The following FMN1 variants were observed in gnomAD, a reference collection of about 807,000 sequenced individuals.
FMN1 encodes formin-1.
A neutral mutation model predicts 132.4 loss-of-function variants in FMN1; 110 were observed. The ratio of observed to expected loss-of-function variants is 0.83; its 90% CI spans 0.71 to 0.97. FMN1 has a LOEUF of 0.97. Among genes scored for constraint, FMN1 ranks in the 50% least tolerant of loss-of-function variants. The pLI is 0.00. For missense variants in FMN1, 1,792 were observed against 1,705.3 expected, an observed-to-expected ratio of 1.05 and a Z score of -0.90; for synonymous variants, 722 against 651.7, an observed-to-expected ratio of 1.11 and a Z score of -1.64.
chr15:32,974,405 TTATAA>T (rs1160485664), intron 7 of FMN1, among the ~76,000 whole-genome samples: 2 of 152,252 alleles, frequency 1.3e-5, no homozygotes, highest in African/African-American at 2.4e-5. Flanking sequence ...CAATAGTCTG[TTATAA>T]TATATGTCCA....
Position 32,772,477 on chromosome 15 carries a change from T to C in FMN1, c.*1833A>G, listed in dbSNP as rs2056281590. 1 of 152,258 alleles carries C rather than the reference T, an allele frequency of 6.6e-6. No homozygotes were observed. Among genetic ancestry groups the C allele is most frequent in the African/African-American group, 2.4e-5 (1 of 41,466 alleles). The allele number at this position is 152,258 out of a possible 1,614,324, so 9.4% of individuals were successfully genotyped here. A position where few individuals can be genotyped will look rare whatever the true frequency, so the allele number is the denominator to read the frequency against. ...TCAGTTTTTAATTGATCCGTTCTTT[T>C]GGTTGTCTTCAGAGTTAAGTGAAAA... is the stretch of plus-strand genomic sequence containing the variant. On this transcript the variant is annotated 3_prime_UTR_variant, in exon 21 of 21. Transcript: ENST00000616417.
chr15:33,107,123 C>A (rs184237063), intron 4 of FMN1, among the ~76,000 whole-genome samples: 1 of 151,966 alleles, frequency 6.6e-6, no homozygotes, highest in Non-Finnish European at 1.5e-5. Context: ...AAGATTAAAA[C>A]CTGCTTCATC....
intron 4 of FMN1, among the ~76,000 whole-genome samples, chr15:33,101,839 T>TC (rs1463788184): frequency 2.0e-5 from 3 of 152,136 alleles, no homozygotes; most frequent in Admixed American, 2.0e-4. Context: ...TGCTTGGCTT[T>TC]CACATATTCT....
chr15:32,790,351 G>C (rs1318783436), intron 19 of FMN1, among the ~76,000 whole-genome samples: 3 of 152,192 alleles, frequency 2.0e-5, no homozygotes, highest in African/African-American at 7.2e-5. Context: ...TTCTAAACTT[G>C]GCTGAAGGAT....
At chr15:32,890,217 G>A (rs2059993933) in intron 15 of FMN1, among the ~76,000 whole-genome samples, 1 of 152,178 alleles carries the variant, frequency 6.6e-6, no homozygotes, top group Admixed American at 6.6e-5. Flanking sequence ...ATTGTGAACT[G>A]TGCTGCTATA....
chr15:33,118,684 T>G (rs1242807868), intron 4 of FMN1, among the ~76,000 whole-genome samples: 1 of 152,134 alleles, frequency 6.6e-6, no homozygotes, highest in Non-Finnish European at 1.5e-5. Context: ...AAAGCATGAT[T>G]TAAACAATTT....
At chr15:33,078,376 G>C (rs1297819422) in intron 5 of FMN1, among the ~76,000 whole-genome samples, 1 of 151,994 alleles carries the variant, frequency 6.6e-6, no homozygotes, top group Non-Finnish European at 1.5e-5. Flanking sequence ...CCTCCATGTG[G>C]TACATCATTT....
intron 9 of FMN1, among the ~76,000 whole-genome samples, chr15:32,929,538 T>C (rs973735504): frequency 6.6e-6 from 1 of 152,212 alleles, no homozygotes; most frequent in Non-Finnish European, 1.5e-5. Flanking sequence ...TAGAACTTTT[T>C]CACCTTGCGT....
At chr15:32,845,045 AC>A (rs1567259598) in intron 17 of FMN1, among the ~76,000 whole-genome samples, 1 of 152,244 alleles carries the variant, frequency 6.6e-6, no homozygotes, top group Non-Finnish European at 1.5e-5. Context: ...GTATTATATA[AC>A]ATGTATTATG....
intron 4 of FMN1, among the ~76,000 whole-genome samples, chr15:33,122,840 G>A (rs1027787102): frequency 1.3e-5 from 2 of 152,092 alleles, no homozygotes; most frequent in East Asian, 1.9e-4. Context: ...TTATATATAG[G>A]AATAGAAAGA....
chr15:32,922,153 T>C (rs548975712), intron 10 of FMN1, among the ~76,000 whole-genome samples: 92 of 152,248 alleles, frequency 6.0e-4, no homozygotes, highest in Non-Finnish European at 1.1e-3. Context: ...TGCCTGAGGA[T>C]GTTAGAGCCT....
chr15:32,899,626 G>A (rs2060247122), intron 14 of FMN1, among the ~76,000 whole-genome samples: 1 of 152,146 alleles, frequency 6.6e-6, no homozygotes, highest in Non-Finnish European at 1.5e-5. Context: ...TAAACTACTA[G>A]TAGCCAACAC....
chr15:32,871,133 G>A (rs990371272), intron 16 of FMN1, among the ~76,000 whole-genome samples: 10 of 152,110 alleles, frequency 6.6e-5, no homozygotes, highest in Non-Finnish European at 1.0e-4. Flanking sequence ...ACTCATCTTC[G>A]GGAGGAGAGC....
In FMN1 at chr15:32,864,587, A is replaced by G. The variant is rs530703479; in HGVS notation, c.3836-7480T>C. On this transcript the variant is annotated intron_variant, in intron 16 of 20. Transcript: ENST00000616417. ...TCTATTCATCCAAAGGCAAGACACTATATTTAAAGTGGTCAAAAAACTCCG... is the reference window on the plus strand; with the variant it reads ...TCTATTCATCCAAAGGCAAGACACTGTATTTAAAGTGGTCAAAAAACTCCG... Among the ~76,000 whole-genome samples the G allele has an allele frequency of 6.0e-4, 92 of 152,342 alleles. No individual in the cohort carries two copies. In the South Asian group the frequency reaches 0.018, roughly 30 times the overall value.
At position 33,064,914 on chromosome 15, in the gene FMN1, G is replaced by A. The variant is rs73378518; in HGVS notation, c.2161+43C>T. 12 of 1,371,764 alleles carry A rather than the reference G, an allele frequency of 8.7e-6. No individual in the cohort carries two copies. The African/African-American group carries it at 1.7e-4, about 20-fold the overall frequency. The allele number at this position is 1,371,764 out of a possible 1,614,324, so 85.0% of individuals were successfully genotyped here. A position where few individuals can be genotyped will look rare whatever the true frequency, so the allele number is the denominator to read the frequency against. ...TAAGCTAGAACTAAAAGCCATTGCA[G>A]GAAGAGATTCATTCCCGGGTCCCTA... On this transcript the variant is annotated intron_variant, in intron 6 of 20. Coordinates refer to ENST00000616417, the MANE Select transcript of FMN1 (RefSeq NM_001277313.2).
At chr15:33,142,388 T>A (rs1225694353) in intron 4 of FMN1, among the ~76,000 whole-genome samples, 4 of 152,218 alleles carry the variant, frequency 2.6e-5, no homozygotes. Flanking sequence ...TAGGAAAATT[T>A]AACAAGCTGT....
intron 17 of FMN1, among the ~76,000 whole-genome samples, chr15:32,807,552 T>A (rs1295266430): frequency 6.6e-6 from 1 of 152,204 alleles, no homozygotes; most frequent in African/African-American, 2.4e-5. Flanking sequence ...CCAGCTCTGC[T>A]CTCTCAGCAG....
At chr15:33,107,780 TC>T (rs1180443278) in intron 4 of FMN1, among the ~76,000 whole-genome samples, 1 of 152,120 alleles carries the variant, frequency 6.6e-6, no homozygotes, top group Non-Finnish European at 1.5e-5. Flanking sequence ...AGTCTCAAAA[TC>T]AACTCTAGCA....
At chr15:32,917,379 A>G (rs1429479111) in intron 10 of FMN1, among the ~76,000 whole-genome samples, 1 of 152,192 alleles carries the variant, frequency 6.6e-6, no homozygotes, top group African/African-American at 2.4e-5. Context: ...TCCTCACTCT[A>G]TGCAAGTATC....
Sources: gnomAD v4.1 joint callset for allele counts (sites outside exome capture counted in the v4.1 genomes callset) on GRCh38, gnomAD v4.1.1 for gene constraint, MANE v1.5 for transcripts, NCBI Gene and HGNC (gene_info 2026-07-23, HGNC 2026-07-21) for gene names.